PSD2: variants seen among roughly 807,000 people sequenced by gnomAD.
PSD2 encodes the protein pleckstrin and Sec7 domain containing 2, also known as PH and SEC7 domain-containing protein 2.
Under a neutral mutation model 69.8 loss-of-function variants are expected in PSD2, and 38 were observed. The observed-to-expected ratio is 0.54, with a 90% confidence interval of 0.42 to 0.71. The LOEUF is 0.71. Among genes scored for constraint, PSD2 ranks in the 30% least tolerant of loss-of-function variants. The pLI, the probability that PSD2 is intolerant of heterozygous loss-of-function variation, is 0.00. For synonymous variants in PSD2, 412 were observed against 423.0 expected (o/e 0.97, Z 0.32); for missense variants, 943 against 1,014.5 (o/e 0.93, Z 0.96).
intron 2 of PSD2, among the ~76,000 whole-genome samples, chr5:139,811,522 C>G (rs1294223171): frequency 6.6e-6 from 1 of 152,172 alleles, no homozygotes; most frequent in African/African-American, 2.4e-5. Flanking sequence ...GGGCTGGGCT[C>G]AGCCTGCTGT....
intron 5 of PSD2, among the ~76,000 whole-genome samples, chr5:139,819,386 A>G (rs369496962): frequency 1.1e-4 from 16 of 152,328 alleles, no homozygotes; most frequent in African/African-American, 3.8e-4. Context: ...GTGCAGCAAC[A>G]CTGCCCCCTC....
chr5:139,817,246 C>T (rs562822299), intron 4 of PSD2, among the ~76,000 whole-genome samples: 18 of 152,308 alleles, frequency 1.2e-4, no homozygotes, highest in Admixed American at 6.5e-4. Flanking sequence ...CTACTCCCTT[C>T]GCCTGGTTAG....
intron 7 of PSD2, among the ~76,000 whole-genome samples, chr5:139,830,556 TCC>T (rs1491218908): frequency 2.0e-4 from 27 of 137,048 alleles, no homozygotes; most frequent in African/African-American, 7.4e-4. Flanking sequence ...CTTCCTTCCT[TCC>T]TTCCTTCCTT....
the PSD2 span, among the ~76,000 whole-genome samples, chr5:139,769,269 G>A: frequency 2.0e-5 from 3 of 152,206 alleles, no homozygotes; most frequent in South Asian, 4.2e-4. Flanking sequence ...AGCAGAGCAG[G>A]TGGCGGCGGG....
chr5:139,813,312 G>T lies in PSD2; in HGVS notation c.375G>T (p.Leu125Phe). Residue 125 changes from leucine (L) to phenylalanine (F), a missense_variant, in exon 3 of 15, where the codon TTG becomes TTT. Leu to Phe is a conservative substitution (Grantham distance 22). Coordinates refer to ENST00000274710, the MANE Select transcript of PSD2 (RefSeq NM_032289.4). ...YPDAEDPQLGLDGPGEPDVRD... is the reference protein window; with the variant it reads ...YPDAEDPQLGFDGPGEPDVRD... ...ACTGGCTCCTTGCATCCCACAGGTT[G>T]GATGGTCCCGGGGAGCCAGATGTGC... 1 of 1,538,886 alleles carries T rather than the reference G, an allele frequency of 6.5e-7. No homozygotes were observed.
At chr5:139,834,958 C>T (rs1042656398) in intron 8 of PSD2, among the ~76,000 whole-genome samples, 4 of 151,156 alleles carry the variant, frequency 2.6e-5, no homozygotes, top group African/African-American at 9.7e-5. Flanking sequence ...TATATCTCCC[C>T]AAACCCTCCC....
chr5:139,764,863 C>T, the PSD2 span, among the ~76,000 whole-genome samples: 1 of 152,172 alleles, frequency 6.6e-6, no homozygotes, highest in Non-Finnish European at 1.5e-5. Flanking sequence ...CTGGTCAGGG[C>T]AGGATACCCT....
the PSD2 span, among the ~76,000 whole-genome samples, chr5:139,779,043 G>A: frequency 2.7e-5 from 4 of 150,860 alleles, no homozygotes; most frequent in Non-Finnish European, 4.4e-5. Flanking sequence ...CAAAAGGTGC[G>A]CTGCATTTGC....
Position 139,812,066 on chromosome 5 carries a change from A to G in PSD2, c.372-1243A>G, listed in dbSNP as rs115336841. Among the ~76,000 whole-genome samples, 1,404 of 152,174 alleles carry G rather than the reference A, an allele frequency of 9.2e-3. 12 individuals carry two copies. Among genetic ancestry groups the G allele is most frequent in the Non-Finnish European group, 0.015 (1,041 of 68,020 alleles). Reference sequence around the variant, plus strand: ...GGATAAGAATCTTCCCAGGCTCCTCAGGTCATCTATGTGCGATGCTCTCTT... The same window carrying G: ...GGATAAGAATCTTCCCAGGCTCCTCGGGTCATCTATGTGCGATGCTCTCTT... On this transcript the variant is annotated intron_variant, in intron 2 of 14. Transcript: ENST00000274710.
rs996145713 is a variant in PSD2, at chr5:139,815,208, CCCT to C, written c.1016+849_1016+851del. ...CTCCCTCCCTCCACTTCTCCCTCCA[CCCT>C]CCTCAGTCTCCACGCTGCTCCTGCA... is the stretch of plus-strand genomic sequence containing the variant. On this transcript the variant is annotated intron_variant, in intron 4 of 14. Coordinates refer to ENST00000274710, the MANE Select transcript of PSD2 (RefSeq NM_032289.4). 6.7e-5 allele frequency among the ~76,000 whole-genome samples: 10 copies of C among 148,732 alleles called. 2 individuals are homozygous for C. The highest frequency in any genetic ancestry group is 3.3e-4 in the Admixed American group (5 of 15,186).
At chr5:139,841,995 A>G (rs1263815707) in intron 14 of PSD2, among the ~76,000 whole-genome samples, 1 of 152,134 alleles carries the variant, frequency 6.6e-6, no homozygotes, top group Non-Finnish European at 1.5e-5. Context: ...GAAGTTTTCA[A>G]TTTTGATATA....
At chr5:139,807,062 A>G (rs142447188) in intron 1 of PSD2, among the ~76,000 whole-genome samples, 1 of 152,348 alleles carries the variant, frequency 6.6e-6, no homozygotes, top group East Asian at 1.9e-4. Flanking sequence ...GAGGTCCTCA[A>G]TCTGTCCACA....
the PSD2 span, among the ~76,000 whole-genome samples, chr5:139,765,849 T>A: frequency 6.6e-6 from 1 of 152,210 alleles, no homozygotes; most frequent in Non-Finnish European, 1.5e-5. Context: ...CCGTCGTGGC[T>A]TTGGCTCTGA....
chr5:139,744,027 G>C, the PSD2 span, among the ~76,000 whole-genome samples: 2 of 152,114 alleles, frequency 1.3e-5, no homozygotes, highest in Non-Finnish European at 2.9e-5. Context: ...CAATGGGCCT[G>C]TACACTAAGC....
chr5:139,794,139 G>A (rs952025144), upstream of PSD2, among the ~76,000 whole-genome samples: 8 of 152,162 alleles, frequency 5.3e-5, no homozygotes, highest in African/African-American at 1.9e-4. Flanking sequence ...TGGGCTCTGC[G>A]GTAATGTCCT....
At chr5:139,762,130 C>T in the PSD2 span, among the ~76,000 whole-genome samples, 1 of 147,774 alleles carries the variant, frequency 6.8e-6, no homozygotes, top group Non-Finnish European at 1.5e-5. Flanking sequence ...GTAACCTCCG[C>T]CTCCTGGGTT....
chr5:139,817,313 C>T (rs1760145193), intron 4 of PSD2, among the ~76,000 whole-genome samples, 168 bp from the exon 5 acceptor site: 1 of 152,118 alleles, frequency 6.6e-6, no homozygotes, highest in Admixed American at 6.5e-5. Flanking sequence ...CTTCCTGACA[C>T]CCCAAGACCA....
At chr5:139,784,899 T>A in the PSD2 span, among the ~76,000 whole-genome samples, 6 of 151,664 alleles carry the variant, frequency 4.0e-5, no homozygotes, top group Non-Finnish European at 5.9e-5. Flanking sequence ...GGATAACAGG[T>A]GTGCACCACC....
At chr5:139,790,910 G>A (rs745446373), upstream of PSD2, among the ~76,000 whole-genome samples, 1 of 151,912 alleles carries the variant, frequency 6.6e-6, no homozygotes, top group Non-Finnish European at 1.5e-5. Flanking sequence ...TGTGGTGGTT[G>A]GGTGGGGGGG....
Sources: gnomAD v4.1 joint callset for allele counts (sites outside exome capture counted in the v4.1 genomes callset) on GRCh38, gnomAD v4.1.1 for gene constraint, MANE v1.5 for transcripts, NCBI Gene and HGNC (gene_info 2026-07-23, HGNC 2026-07-21) for gene names.